MSRA: variants seen among roughly 807,000 people sequenced by gnomAD.
MSRA encodes mitochondrial peptide methionine sulfoxide reductase.
Under a neutral mutation model 31.3 loss-of-function variants are expected in MSRA, and 54 were observed. The observed-to-expected ratio is 1.73, with a 90% CI of 1.39 to 2.17. The LOEUF is 2.17. Ranked by LOEUF, MSRA falls within the 30% of genes most tolerant of loss-of-function variation. The pLI, the probability that MSRA is intolerant of heterozygous loss-of-function variation, is 0.00. For missense variants in MSRA, 507 were observed against 300.9 expected, an observed-to-expected ratio of 1.69 and a Z score of -5.07; for synonymous variants, 169 against 116.5, an observed-to-expected ratio of 1.45 and a Z score of -2.90.
intron 5 of MSRA, among the ~76,000 whole-genome samples, chr8:10,321,293 T>G (rs1802028978): frequency 2.0e-5 from 3 of 152,158 alleles, no homozygotes; most frequent in Admixed American, 6.5e-5. Flanking sequence ...TAATCTATGT[T>G]AGAATTTTGT....
At chr8:10,126,760 C>A (rs570557670) in intron 1 of MSRA, among the ~76,000 whole-genome samples, 1 of 152,340 alleles carries the variant, frequency 6.6e-6, no homozygotes, top group Non-Finnish European at 1.5e-5. Context: ...GTGATCCACT[C>A]GCCTTGGTCT....
chr8:10,312,058 G>C (rs369947869), intron 4 of MSRA, among the ~76,000 whole-genome samples: 1 of 152,160 alleles, frequency 6.6e-6, no homozygotes, highest in South Asian at 2.1e-4. Context: ...GGGACATATA[G>C]AGCCTTAAAT....
At chr8:10,118,786 A>C (rs1452774892) in intron 1 of MSRA, among the ~76,000 whole-genome samples, 1 of 151,992 alleles carries the variant, frequency 6.6e-6, no homozygotes, top group Non-Finnish European at 1.5e-5. Context: ...CCAATGTGGC[A>C]CTCTTTTCTA....
At chr8:10,232,716 A>G (rs1013320914) in intron 2 of MSRA, among the ~76,000 whole-genome samples, 2 of 152,268 alleles carry the variant, frequency 1.3e-5, no homozygotes, top group South Asian at 2.1e-4. Context: ...TCTCATAGAC[A>G]CAGATATTCA....
intron 5 of MSRA, among the ~76,000 whole-genome samples, chr8:10,366,290 C>A (rs1805160658): frequency 6.6e-6 from 1 of 152,244 alleles, no homozygotes; most frequent in Non-Finnish European, 1.5e-5. Flanking sequence ...GCAGAGGGCT[C>A]TGAATTTATA....
In MSRA at chr8:10,260,044, A is replaced by G. The variant is rs547826640; in HGVS notation, c.331+14821A>G. On this transcript the variant is annotated intron_variant, in intron 3 of 5. Transcript: ENST00000317173. ...TGCATCAGAGGGAGCAGTTCCGGGA[A>G]AGAGAAAACAACCAAGTCATTTCGG... Among the ~76,000 whole-genome samples the G allele has an allele frequency of 2.0e-5, 3 of 152,350 alleles. No individual in the cohort carries two copies. In the South Asian group the frequency reaches 6.2e-4, roughly 32 times the overall value.
intron 4 of MSRA, among the ~76,000 whole-genome samples, chr8:10,305,163 T>C (rs1801058889): frequency 6.6e-6 from 1 of 152,228 alleles, no homozygotes; most frequent in African/African-American, 2.4e-5. Flanking sequence ...CACTGCATTT[T>C]ATAGGAGAAG....
chr8:10,397,249 A>G (rs2129182320), intron 5 of MSRA, among the ~76,000 whole-genome samples: 1 of 152,296 alleles, frequency 6.6e-6, no homozygotes, highest in Middle Eastern at 3.4e-3. Flanking sequence ...GTATGAACAA[A>G]CCAGTGCGCA....
At chr8:10,402,904 T>G (rs1807554088) in intron 5 of MSRA, among the ~76,000 whole-genome samples, 2 of 152,222 alleles carry the variant, frequency 1.3e-5, no homozygotes, top group African/African-American at 4.8e-5. Context: ...CTCCTGCTAT[T>G]TGGAGGCATT....
At chr8:10,075,944 T>G (rs1483764822) in intron 1 of MSRA, among the ~76,000 whole-genome samples, 2 of 152,238 alleles carry the variant, frequency 1.3e-5, no homozygotes, top group African/African-American at 4.8e-5. Flanking sequence ...CCACAGGACC[T>G]TTCATGACCA....
At chr8:10,094,485 G>T (rs1799019925) in intron 1 of MSRA, among the ~76,000 whole-genome samples, 1 of 152,196 alleles carries the variant, frequency 6.6e-6, no homozygotes, top group Non-Finnish European at 1.5e-5. Flanking sequence ...TAGTAGTTTG[G>T]AAGCAAAGAA....
At chr8:10,244,521 T>C (rs1222438287) in intron 2 of MSRA, among the ~76,000 whole-genome samples, 1 of 152,190 alleles carries the variant, frequency 6.6e-6, no homozygotes, top group Non-Finnish European at 1.5e-5. Flanking sequence ...GTTCATTATA[T>C]CCAGAAATAA....
intron 1 of MSRA, among the ~76,000 whole-genome samples, chr8:10,061,484 A>G (rs554748942): frequency 1.3e-5 from 2 of 152,230 alleles, no homozygotes; most frequent in South Asian, 2.1e-4. Flanking sequence ...AATCCTTTCT[A>G]TGGCATCTTG....
intron 5 of MSRA, among the ~76,000 whole-genome samples, chr8:10,366,941 G>A (rs1195881239): frequency 6.6e-6 from 1 of 152,030 alleles, no homozygotes; most frequent in Non-Finnish European, 1.5e-5. Flanking sequence ...TGTTCCGGTT[G>A]GGCCTTATAA....
At chr8:10,119,376 T>A (rs571619550) in intron 1 of MSRA, among the ~76,000 whole-genome samples, 1 of 152,338 alleles carries the variant, frequency 6.6e-6, no homozygotes, top group South Asian at 2.1e-4. Context: ...GTCACATTCC[T>A]TAGCATCTAG....
intron 5 of MSRA, chr8:10,320,235 G>A (rs552758131): frequency 5.2e-5 from 15 of 289,382 alleles, no homozygotes; most frequent in East Asian, 4.1e-4. Context: ...TTGGGGGGCC[G>A]AAGCAGAAGG....
chr8:10,146,372 CTG>C (rs1051097586), intron 1 of MSRA, among the ~76,000 whole-genome samples: 6 of 152,142 alleles, frequency 3.9e-5, no homozygotes, highest in Admixed American at 3.3e-4. Flanking sequence ...AAGGGTGAAA[CTG>C]TGAGCAAAAG....
intron 1 of MSRA, among the ~76,000 whole-genome samples, chr8:10,100,233 G>T (rs1216764041): frequency 6.6e-6 from 1 of 152,174 alleles, no homozygotes; most frequent in Admixed American, 6.5e-5. Context: ...GTTGAACATC[G>T]TCTTTCTGGG....
intron 5 of MSRA, among the ~76,000 whole-genome samples, chr8:10,351,699 TGTG>T (rs1296576405): frequency 1.3e-5 from 2 of 152,154 alleles, no homozygotes; most frequent in African/African-American, 2.4e-5. Context: ...TAAGAAGACT[TGTG>T]GTGTGGATTC....
Sources: allele counts gnomAD v4.1 joint callset (sites outside exome capture counted in the v4.1 genomes callset), GRCh38; gene constraint gnomAD v4.1.1; transcripts MANE v1.5; gene names NCBI Gene and HGNC (gene_info 2026-07-23, HGNC 2026-07-21).